The following LOC400499 variants were observed in gnomAD, a reference collection of about 807,000 sequenced individuals.
chr16:11,512,403 G>T, the LOC400499 span, among the ~76,000 whole-genome samples: 1 of 152,176 alleles, frequency 6.6e-6, no homozygotes, highest in Non-Finnish European at 1.5e-5. Context: ...AGGAGTTTGA[G>T]ACCAGCCTGG....
the LOC400499 span, chr16:11,488,578 C>T: frequency 2.6e-6 from 1 of 386,922 alleles, no homozygotes. Context: ...AGCCACCACA[C>T]CCAACTGACA....
At chr16:11,479,545 C>A in the LOC400499 span, among the ~76,000 whole-genome samples, 1 of 151,942 alleles carries the variant, frequency 6.6e-6, no homozygotes, top group Non-Finnish European at 1.5e-5. Flanking sequence ...ATCGCTTGAG[C>A]CCAGGAGTTC....
the LOC400499 span, among the ~76,000 whole-genome samples, chr16:11,375,075 T>G: frequency 2.6e-5 from 4 of 151,880 alleles, no homozygotes; most frequent in Non-Finnish European, 5.9e-5. Context: ...CTTGAACTCC[T>G]GGCCTCAAGT....
chr16:11,495,438 TG>T, the LOC400499 span, among the ~76,000 whole-genome samples: 1 of 151,472 alleles, frequency 6.6e-6, no homozygotes, highest in Non-Finnish European at 1.5e-5. Flanking sequence ...TGGAGTGCAG[TG>T]GCCCTATCTA....
the LOC400499 span, among the ~76,000 whole-genome samples, chr16:11,393,162 C>CT: frequency 1.5e-5 from 2 of 132,184 alleles, no homozygotes; most frequent in African/African-American, 6.9e-5. Context: ...CCACCCCCCC[C>CT]CCTTTTTTTT....
the LOC400499 span, chr16:11,423,184 G>C: frequency 7.0e-5 from 28 of 399,352 alleles, no homozygotes; most frequent in African/African-American, 4.7e-4. Context: ...CATACCTCGA[G>C]AGGCTGCCCA....
the LOC400499 span, among the ~76,000 whole-genome samples, chr16:11,526,949 T>C: frequency 3.9e-5 from 6 of 152,164 alleles, no homozygotes; most frequent in African/African-American, 1.2e-4. Flanking sequence ...GATTCACCTG[T>C]CATCTCTCGC....
At chr16:11,474,059 A>C in the LOC400499 span, among the ~76,000 whole-genome samples, 1 of 152,206 alleles carries the variant, frequency 6.6e-6, no homozygotes, top group Admixed American at 6.5e-5. Context: ...AGGTCTCACT[A>C]TGTTACCCAA....
chr16:11,461,115 CA>C, the LOC400499 span: 1 of 1,533,790 alleles, frequency 6.5e-7, no homozygotes, highest in Non-Finnish European at 8.7e-7. Context: ...TCCTCTCCAG[CA>C]GTGCTGCAGG....
At chr16:11,432,235 C>T in the LOC400499 span, among the ~76,000 whole-genome samples, 7 of 152,234 alleles carry the variant, frequency 4.6e-5, no homozygotes, top group African/African-American at 1.7e-4. Flanking sequence ...CAAAGCCACA[C>T]AGAACAGAAC....
the LOC400499 span, among the ~76,000 whole-genome samples, chr16:11,513,784 G>GAATTA: frequency 1.3e-5 from 2 of 152,010 alleles, no homozygotes; most frequent in African/African-American, 2.4e-5. Context: ...GTTTTGATGA[G>GAATTA]AATTAAATTA....
the LOC400499 span, chr16:11,411,413 T>C: frequency 1.0e-5 from 4 of 398,288 alleles, no homozygotes; most frequent in African/African-American, 2.1e-5. Context: ...CCAAGGGGAC[T>C]TCCCCGAGAG....
At chr16:11,399,554 A>T in the LOC400499 span, 1 of 398,740 alleles carries the variant, frequency 2.5e-6, no homozygotes, top group Non-Finnish European at 4.4e-6. Flanking sequence ...GGTCTGCGTG[A>T]AGGCCCCGCA....
the LOC400499 span, among the ~76,000 whole-genome samples, chr16:11,446,248 A>C: frequency 6.6e-6 from 1 of 152,048 alleles, no homozygotes; most frequent in African/African-American, 2.4e-5. Context: ...TCCTGGGCTT[A>C]ATCAGATCCT....
the LOC400499 span, among the ~76,000 whole-genome samples, chr16:11,484,110 C>A: frequency 0.027 from 3,990 of 145,136 alleles, 110 homozygotes; most frequent in East Asian, 0.17. Context: ...CGAGTTCACA[C>A]CATTCTCCTG....
chr16:11,392,320 C>T, the LOC400499 span: 1 of 399,074 alleles, frequency 2.5e-6, no homozygotes, highest in East Asian at 3.6e-5. Flanking sequence ...CTCTCACCTC[C>T]ACATGGCCCA....
chr16:11,435,106 A>T, the LOC400499 span, among the ~76,000 whole-genome samples: 1 of 152,140 alleles, frequency 6.6e-6, no homozygotes, highest in Non-Finnish European at 1.5e-5. Context: ...CAGCCTCCCA[A>T]GTAGCTGGGA....
chr16:11,400,937 T>C, the LOC400499 span, among the ~76,000 whole-genome samples: 8,235 of 152,176 alleles, frequency 0.054, 641 homozygotes, highest in African/African-American at 0.17. Flanking sequence ...GGAGCCCAGC[T>C]GCCTCACTCA....
chr16:11,396,540 G>A, the LOC400499 span: 24 of 1,232,068 alleles, frequency 1.9e-5, no homozygotes, highest in Middle Eastern at 3.1e-4. Flanking sequence ...TCAGCTGAAC[G>A]AGGCCTGCTG....
Sources: gnomAD v4.1 joint callset for allele counts (sites outside exome capture counted in the v4.1 genomes callset) on GRCh38, gnomAD v4.1.1 for gene constraint, MANE v1.5 for transcripts.